Variants in SLC13A1 observed in about 807,000 individuals in gnomAD.
The protein encoded by SLC13A1 is solute carrier family 13 member 1.
A neutral mutation model predicts 70.0 loss-of-function variants in SLC13A1; 65 were observed. The observed-to-expected ratio is 0.93, with a 90% CI of 0.76 to 1.14. SLC13A1 has a LOEUF of 1.14. Ranked by LOEUF, SLC13A1 falls within the 50% of genes most tolerant of loss-of-function variation. SLC13A1 has a pLI of 0.00. For synonymous variants in SLC13A1, 275 were observed against 250.5 expected (o/e 1.10, Z -0.92); for missense variants, 726 against 717.8 (o/e 1.01, Z -0.13).
chr7:123,193,486 TTAC>T (rs1012794898), intron 1 of SLC13A1, among the ~76,000 whole-genome samples: 1 of 152,166 alleles, frequency 6.6e-6, no homozygotes, highest in African/African-American at 2.4e-5. Context: ...TGGGTAGAGG[TTAC>T]TACGTGATCC....
intron 8 of SLC13A1, among the ~76,000 whole-genome samples, chr7:123,132,309 A>T (rs1793790984): frequency 6.6e-6 from 1 of 152,210 alleles, no homozygotes; most frequent in South Asian, 2.1e-4. Context: ...CAGTCCTCGT[A>T]TTACTAGGCA....
chr7:123,136,353 T>A (rs2116350729), intron 7 of SLC13A1, among the ~76,000 whole-genome samples: 1 of 152,342 alleles, frequency 6.6e-6, no homozygotes, highest in Non-Finnish European at 1.5e-5. Context: ...AACAACCACA[T>A]GGGACTATGC....
At chr7:123,176,620 A>G (rs931488029) in intron 2 of SLC13A1, among the ~76,000 whole-genome samples, 1 of 152,160 alleles carries the variant, frequency 6.6e-6, no homozygotes, top group African/African-American at 2.4e-5. Flanking sequence ...ATGAGATAAT[A>G]TTTTTTAAAA....
intron 6 of SLC13A1, among the ~76,000 whole-genome samples, chr7:123,166,120 G>C (rs1795067455): frequency 6.6e-6 from 1 of 151,910 alleles, no homozygotes; most frequent in Non-Finnish European, 1.5e-5. Flanking sequence ...CTTTGTTGTG[G>C]TATTTATGTC....
At chr7:123,168,622 G>T in intron 4 of SLC13A1, 61 bp from the exon 5 acceptor site, 2 of 1,253,604 alleles carry the variant, frequency 1.6e-6, no homozygotes, top group Non-Finnish European at 2.3e-6. Context: ...GGGTTTGCCT[G>T]TGTGTGGATG....
intron 8 of SLC13A1, among the ~76,000 whole-genome samples, chr7:123,133,633 G>A (rs1793845170): frequency 6.6e-6 from 1 of 151,986 alleles, no homozygotes; most frequent in Non-Finnish European, 1.5e-5. Flanking sequence ...CGCCTCCCGG[G>A]TTCAAGCAAT....
chr7:123,126,755 G>A (rs1043224103), intron 10 of SLC13A1, among the ~76,000 whole-genome samples: 4 of 151,840 alleles, frequency 2.6e-5, no homozygotes, highest in East Asian at 1.9e-4. Context: ...AAACTGGACC[G>A]ATATTTATAA....
At chr7:123,135,433 T>A (rs2116345697) in intron 7 of SLC13A1, among the ~76,000 whole-genome samples, 1 of 152,096 alleles carries the variant, frequency 6.6e-6, no homozygotes, top group South Asian at 2.1e-4. Context: ...CTAAAAGCAA[T>A]AACATAAAGA....
chr7:123,168,542 T>A lies in SLC13A1; in HGVS notation c.573A>T (p.Glu191Asp). 4 of 1,609,248 alleles carry A rather than the reference T, an allele frequency of 2.5e-6. No individual in the cohort carries two copies. The highest frequency in any genetic ancestry group is 3.4e-6 in the Non-Finnish European group (4 of 1,176,584). Residue 191 changes from glutamate to aspartate, a missense_variant, in exon 5 of 15, where the codon GAA (glutamate) becomes GAT (aspartate). By Grantham distance (45) the Glu-to-Asp change is conservative (BLOSUM62 2). Transcript: ENST00000194130. ...TTGTTTTCTCTTTCCTCTCATTTATTTCATGTCCATTAACACTTTCTGCAA... is the reference window on the plus strand; with the variant it reads ...TTGTTTTCTCTTTCCTCTCATTTATATCATGTCCATTAACACTTTCTGCAA... ...LEIDESVNGH[E>D]INERKEKTKP... is the part of the protein sequence containing the mutation.
In SLC13A1 at chr7:123,129,362, GTGTGTGTGTGTT is replaced by G. The variant is rs769592265; in HGVS notation, c.1031+9_1031+20del. On this transcript the variant is annotated intron_variant, in intron 9 of 14. Coordinates refer to ENST00000194130, the MANE Select transcript of SLC13A1 (RefSeq NM_022444.4). Reference sequence around the variant, plus strand: ...TGTGTGTGTGTGTGTGTGTGTGTGTGTGTGTGTGTGTTTGTCTTACCTTATTGGCCCAAGCTT... The same window carrying G: ...TGTGTGTGTGTGTGTGTGTGTGTGTGTGTCTTACCTTATTGGCCCAAGCTT... The G allele has an allele frequency of 6.8e-5, 63 of 927,278 alleles. No homozygotes were observed. Among genetic ancestry groups the G allele is most frequent in the Non-Finnish European group, 9.9e-5 (61 of 614,940 alleles). 57.4% of individuals were successfully genotyped at this position (927,278 alleles called of 1,614,324 possible).
intron 1 of SLC13A1, among the ~76,000 whole-genome samples, chr7:123,183,959 TAGGAGTCCC>T (rs2116630407): frequency 6.6e-6 from 1 of 152,228 alleles, no homozygotes; most frequent in East Asian, 1.9e-4. Context: ...TATTTTTTCC[TAGGAGTCCC>T]AGTGGATTAT....
intron 8 of SLC13A1, among the ~76,000 whole-genome samples, chr7:123,133,023 G>A (rs1055880376): frequency 2.0e-5 from 3 of 151,986 alleles, no homozygotes; most frequent in Admixed American, 6.6e-5. Context: ...GGCATCAGTC[G>A]GTCTTTATTG....
chr7:123,153,852 A>G (rs1303366993), intron 6 of SLC13A1, among the ~76,000 whole-genome samples: 2 of 152,148 alleles, frequency 1.3e-5, no homozygotes, highest in Non-Finnish European at 2.9e-5. Flanking sequence ...ACATATACAC[A>G]TGTGCCTGAA....
At chr7:123,137,060 G>A (rs767024756) in intron 7 of SLC13A1, among the ~76,000 whole-genome samples, 8 of 152,056 alleles carry the variant, frequency 5.3e-5, no homozygotes, top group African/African-American at 9.7e-5. Flanking sequence ...GAAAGTATGC[G>A]GATTTTATTA....
chr7:123,162,428 A>G (rs1186524724), intron 6 of SLC13A1, among the ~76,000 whole-genome samples: 1 of 152,206 alleles, frequency 6.6e-6, no homozygotes, highest in Non-Finnish European at 1.5e-5. Context: ...TAAAGGGTGT[A>G]TGGTATTCTC....
At chr7:123,168,628 G>A (rs561502939) in intron 4 of SLC13A1, 67 bp from the exon 5 acceptor site, 1 of 1,179,976 alleles carries the variant, frequency 8.5e-7, no homozygotes, top group Non-Finnish European at 1.2e-6. Context: ...GCCTGTGTGT[G>A]GATGCGAAGA....
intron 14 of SLC13A1, among the ~76,000 whole-genome samples, chr7:123,116,838 G>C (rs1289594182): frequency 6.6e-6 from 1 of 152,084 alleles, no homozygotes; most frequent in African/African-American, 2.4e-5. Flanking sequence ...TTTGGAAATT[G>C]GTGATGAAGA....
Position 123,181,071 on chromosome 7 carries a change from C to G in SLC13A1, c.130G>C (p.Val44Leu). 1 of 1,612,646 alleles carries G rather than the reference C, an allele frequency of 6.2e-7. No homozygotes were observed. The change falls in exon 2 of 15, where the codon GTC becomes CTC. Residue 44 changes from valine to leucine, a missense_variant. Coordinates refer to ENST00000194130, the MANE Select transcript of SLC13A1 (RefSeq NM_022444.4). ...GCTTCTGTGAGCCAAAATGTGGCGA[C>G]CACAAAGAGTGTGTAGGCACATTCT... ...EAECAYTLFV[V>L]ATFWLTEALP...
At chr7:123,145,308 C>G (rs1018568702) in intron 7 of SLC13A1, among the ~76,000 whole-genome samples, 13 of 152,126 alleles carry the variant, frequency 8.5e-5, no homozygotes, top group Admixed American at 2.0e-4. Flanking sequence ...AGCTTGAAAT[C>G]TGAATTGAGG....
Sources: gnomAD v4.1 joint callset for allele counts (sites outside exome capture counted in the v4.1 genomes callset) on GRCh38, gnomAD v4.1.1 for gene constraint, MANE v1.5 for transcripts, NCBI Gene and HGNC (gene_info 2026-07-23, HGNC 2026-07-21) for gene names.